SMYD3: variants seen among roughly 807,000 people sequenced by gnomAD.
SMYD3 encodes histone-lysine N-methyltransferase SMYD3.
A neutral mutation model predicts 57.7 loss-of-function variants in SMYD3; 36 were observed. The ratio of observed to expected loss-of-function variants is 0.62; its 90% CI spans 0.48 to 0.82. SMYD3 has a LOEUF of 0.82. SMYD3 is among the 40% of genes least tolerant of loss of function. The probability of loss-of-function intolerance (pLI) is 0.00; values close to 1 mark genes in which losing one functional copy is unlikely to be tolerated. For missense variants in SMYD3, 515 were observed against 538.8 expected, an observed-to-expected ratio of 0.96 and a Z score of 0.44; for synonymous variants, 211 against 195.0, an observed-to-expected ratio of 1.08 and a Z score of -0.68.
chr1:246,488,923 C>T (rs2068228222), intron 1 of SMYD3, among the ~76,000 whole-genome samples: 1 of 152,156 alleles, frequency 6.6e-6, no homozygotes, highest in Non-Finnish European at 1.5e-5. Flanking sequence ...AATGTAGATT[C>T]TGTGCCTTAA....
At chr1:246,243,111 C>T (rs2063643304) in intron 5 of SMYD3, among the ~76,000 whole-genome samples, 1 of 152,152 alleles carries the variant, frequency 6.6e-6, no homozygotes, top group South Asian at 2.1e-4. Context: ...ACCTAATAGA[C>T]ATCTACAGAA....
chr1:246,325,019 G>C (rs1444815108), intron 5 of SMYD3, among the ~76,000 whole-genome samples: 1 of 33,536 alleles, frequency 3.0e-5, no homozygotes, highest in African/African-American at 1.2e-4. Flanking sequence ...AGTCGGGGGA[G>C]CGGGAAGGAG....
intron 5 of SMYD3, among the ~76,000 whole-genome samples, chr1:246,037,734 T>G (rs903814536): frequency 6.6e-6 from 1 of 152,228 alleles, no homozygotes; most frequent in African/African-American, 2.4e-5. Context: ...TTGCCCCATT[T>G]GGGGAGAAGA....
intron 5 of SMYD3, among the ~76,000 whole-genome samples, chr1:246,151,187 AG>A (rs1342819844): frequency 2.0e-5 from 3 of 151,786 alleles, no homozygotes; most frequent in African/African-American, 7.3e-5. Context: ...CAGAGGTTGC[AG>A]TGAGCCAAGA....
intron 5 of SMYD3, among the ~76,000 whole-genome samples, chr1:246,003,762 C>T (rs1407526596): frequency 2.0e-5 from 3 of 152,206 alleles, no homozygotes; most frequent in Admixed American, 6.5e-5. Context: ...ATAAATATCT[C>T]ACACATCTAG....
chr1:246,070,142 A>T lies in SMYD3; in HGVS notation c.532-140205T>A, dbSNP rs146126479. ...CAAAGACTACCAAGAGACACACCGA[A>T]AACTAGTGAGGTGGGAACTGGCAAT... On this transcript the variant is annotated intron_variant, in intron 5 of 11. Transcript: ENST00000490107. Among the ~76,000 whole-genome samples the T allele has an allele frequency of 9.7e-4, 148 of 152,224 alleles. 2 individuals carry two copies. Among genetic ancestry groups the T allele is most frequent in the African/African-American group, 3.3e-3 (136 of 41,524 alleles).
intron 1 of SMYD3, among the ~76,000 whole-genome samples, chr1:246,436,206 A>G (rs1255307755): frequency 3.3e-5 from 5 of 149,452 alleles, no homozygotes; most frequent in Non-Finnish European, 3.0e-5. Context: ...AAAAAAAACT[A>G]TACAACAATA....
chr1:245,862,702 C>T (rs955140430), intron 9 of SMYD3, among the ~76,000 whole-genome samples: 3 of 152,218 alleles, frequency 2.0e-5, no homozygotes, highest in African/African-American at 7.2e-5. Context: ...TGTAGCTATT[C>T]AGTTAGCTTT....
chr1:246,371,737 A>G lies in SMYD3; in HGVS notation c.165-16643T>C, dbSNP rs142852145. Among the ~76,000 whole-genome samples the G allele has an allele frequency of 4.9e-3, 749 of 152,274 alleles. 4 individuals are homozygous for G. Among genetic ancestry groups the G allele is most frequent in the Non-Finnish European group, 7.8e-3 (529 of 68,012 alleles). Reference sequence around the variant, plus strand: ...CCAGAAAATATTTTGTCACTCTAGAAAAATTCTCTCTCTTACTTCCTCCAA... The same window carrying G: ...CCAGAAAATATTTTGTCACTCTAGAGAAATTCTCTCTCTTACTTCCTCCAA... On this transcript the variant is annotated intron_variant, in intron 1 of 11. Coordinates refer to ENST00000490107, the MANE Select transcript of SMYD3 (RefSeq NM_001167740.2).
intron 5 of SMYD3, among the ~76,000 whole-genome samples, chr1:245,996,822 CGTGGGGGAG>C (rs1223000270): frequency 2.0e-5 from 3 of 152,172 alleles, no homozygotes; most frequent in Non-Finnish European, 4.4e-5. Flanking sequence ...GGGAGGGGAA[CGTGGGGGAG>C]GGAGAGGGAC....
At chr1:246,000,785 T>C (rs2059025216) in intron 5 of SMYD3, among the ~76,000 whole-genome samples, 1 of 152,206 alleles carries the variant, frequency 6.6e-6, no homozygotes. Flanking sequence ...CCTTGTCAAG[T>C]AAACTGTAAG....
At chr1:246,499,738 G>A (rs1334941471) in intron 1 of SMYD3, among the ~76,000 whole-genome samples, 2 of 152,104 alleles carry the variant, frequency 1.3e-5, no homozygotes, top group African/African-American at 4.8e-5. Flanking sequence ...TTACAGGTGT[G>A]AGCCACCACG....
intron 5 of SMYD3, among the ~76,000 whole-genome samples, chr1:246,151,617 C>A (rs1161852429): frequency 6.6e-6 from 1 of 152,182 alleles, no homozygotes; most frequent in Non-Finnish European, 1.5e-5. Context: ...ATTTGTCGAT[C>A]CTTCCTCCAC....
At chr1:245,897,550 T>C (rs1356154735) in intron 8 of SMYD3, among the ~76,000 whole-genome samples, 2 of 152,220 alleles carry the variant, frequency 1.3e-5, no homozygotes, top group Non-Finnish European at 2.9e-5. Flanking sequence ...CAAAGAGATA[T>C]GATCTTAGAT....
chr1:245,920,106 G>A (rs552578426), intron 7 of SMYD3, among the ~76,000 whole-genome samples: 2,720 of 152,100 alleles, frequency 0.018, 83 homozygotes, highest in African/African-American at 0.061. Context: ...GAGGTCAGGA[G>A]ATTGAGACCA....
chr1:246,191,976 G>T (rs2062745701), intron 5 of SMYD3, among the ~76,000 whole-genome samples: 1 of 152,178 alleles, frequency 6.6e-6, no homozygotes, highest in African/African-American at 2.4e-5. Flanking sequence ...GATACAATCT[G>T]AAACATCTGA....
intron 8 of SMYD3, among the ~76,000 whole-genome samples, chr1:245,881,912 C>T (rs1254999459): frequency 6.6e-6 from 1 of 152,092 alleles, no homozygotes; most frequent in Non-Finnish European, 1.5e-5. Context: ...AGAAAGAGCT[C>T]GGCATATTCC....
chr1:246,276,038 T>C (rs2064324712), intron 5 of SMYD3, among the ~76,000 whole-genome samples: 1 of 120,420 alleles, frequency 8.3e-6, no homozygotes. Flanking sequence ...ACTAGTCGTA[T>C]TAACACTGGC....
intron 8 of SMYD3, among the ~76,000 whole-genome samples, chr1:245,900,827 A>C (rs1233052151): frequency 6.6e-6 from 1 of 152,172 alleles, no homozygotes; most frequent in African/African-American, 2.4e-5. Context: ...TCTCATTTCC[A>C]ACCAAGGATG....
Sources: gnomAD v4.1 joint callset for allele counts (sites outside exome capture counted in the v4.1 genomes callset) on GRCh38, gnomAD v4.1.1 for gene constraint, MANE v1.5 for transcripts, NCBI Gene and HGNC (gene_info 2026-07-23, HGNC 2026-07-21) for gene names.